Variants in RAB44 observed in about 807,000 individuals in gnomAD.
The protein encoded by RAB44 is ras-related protein Rab-44.
Under a neutral mutation model 93.3 loss-of-function variants are expected in RAB44, and 67 were observed. That is an observed-to-expected ratio of 0.72 (90% CI 0.59 to 0.88). RAB44 has a LOEUF of 0.88. RAB44 is among the 40% of genes least tolerant of loss of function. RAB44 has a pLI of 0.00. For missense variants in RAB44, 1,064 were observed against 1,261.7 expected (o/e 0.84, Z 2.37); for synonymous variants, 427 against 520.3 (o/e 0.82, Z 2.44).
chr6:36,719,779 G>A (rs939499417), intron 7 of RAB44, among the ~76,000 whole-genome samples: 3 of 152,354 alleles, frequency 2.0e-5, no homozygotes, highest in Admixed American at 2.0e-4. Context: ...CAGCAGGTGC[G>A]AAGGCCCTGA....
Position 36,717,558 on chromosome 6 carries a change from G to C in RAB44, c.641+139G>C. The C allele has an allele frequency of 2.0e-6, 2 of 994,656 alleles. No homozygotes were observed. Among genetic ancestry groups the C allele is most frequent in the Non-Finnish European group, 2.6e-6 (2 of 772,460 alleles). The allele number at this position is 994,656 out of a possible 1,614,324, so 61.6% of individuals were successfully genotyped here. ...GGGCAGAGCTGCGCTGGAGGAAGAG[G>C]TGGCTCAGGGGACCGGGTGGGGAGG... On this transcript the variant is annotated intron_variant, in intron 5 of 13. Transcript: ENST00000612677. This position sits in a 1 kb window ranked among gnomAD's most constrained non-coding sequence, Gnocchi z 4.1.
Position 36,730,779 on chromosome 6 carries a change from ACC to A in RAB44, c.2975+38_2975+39del, listed in dbSNP as rs57522248. The A allele has an allele frequency of 4.3e-4, 392 of 911,052 alleles. No homozygotes were observed. In the African/African-American group the frequency reaches 6.5e-3, roughly 15 times the overall value. The allele number at this position is 911,052 out of a possible 1,614,324, so 56.4% of individuals were successfully genotyped here. A position where few individuals can be genotyped will look rare whatever the true frequency, so the allele number is the denominator to read the frequency against. ...GTGCTGCCCGCCCCCCGCCGCCCCC[ACC>A]CCCCCCCTTGCAGAATCCTCTGGGA... is the stretch of plus-strand genomic sequence containing the variant. On this transcript the variant is annotated intron_variant, in intron 13 of 13. Transcript: ENST00000612677.
chr6:36,715,793 G>C (rs550098656), intron 4 of RAB44, 140 bp downstream of exon 4: 3 of 792,402 alleles, frequency 3.8e-6, no homozygotes, highest in South Asian at 3.6e-5. Context: ...TTGGCTAGCT[G>C]TGTGACCACA....
At chr6:36,715,359 T>C (rs1762888953) in intron 3 of RAB44, 120 bp from the exon 4 acceptor site, 2 of 863,374 alleles carry the variant, frequency 2.3e-6, no homozygotes, top group African/African-American at 1.7e-5. Context: ...TGTAGCCTTG[T>C]GTAAATGTGA....
At chr6:36,724,967 C>T (rs1763199217) in intron 9 of RAB44, among the ~76,000 whole-genome samples, 1 of 152,204 alleles carries the variant, frequency 6.6e-6, no homozygotes, top group Non-Finnish European at 1.5e-5. Flanking sequence ...GAATCAGAGC[C>T]AACGGAGTTA....
At chr6:36,730,629 T>A (rs1371972535) in intron 12 of RAB44, 44 bp from the exon 13 acceptor site, 2 of 1,179,080 alleles carry the variant, frequency 1.7e-6, no homozygotes, top group Admixed American at 8.5e-5. Context: ...GCCTTTCAGT[T>A]GTCTCTCCCA....
rs1274825847 is a variant in RAB44 at position 36,722,196 on chromosome 6, G to C, written c.2062G>C (p.Asp688His). The C allele has an allele frequency of 2.4e-6, 3 of 1,238,498 alleles. No individual in the cohort carries two copies. 76.7% of individuals were successfully genotyped at this position (1,238,498 alleles called of 1,614,324 possible). The change falls in exon 9 of 14, where the codon GAC becomes CAC. Residue 688 changes from aspartate to histidine, a missense_variant. Asp to His is a moderately conservative substitution (Grantham distance 81, BLOSUM62 -1). Transcript: ENST00000612677. ...AAAACAAGAGGGCAGAGGTGGGCAG[G>C]ACCTCAGTTCAGAGCAGTCAGAGCA... ...EGKQEGRGGQDLSSEQSEQSV... is the reference protein window; with the variant it reads ...EGKQEGRGGQHLSSEQSEQSV...
chr6:36,704,190 A>G (rs1445288148), intron 1 of RAB44, 34 bp from the exon 2 acceptor site: 1 of 1,507,924 alleles, frequency 6.6e-7, no homozygotes, highest in Non-Finnish European at 8.9e-7. Flanking sequence ...GTGACTGTCC[A>G]GCAGCCCGGT....
In RAB44 at chr6:36,732,201, C is replaced by T. The variant is rs1182077060; in HGVS notation, c.*108C>T. ...GACACAGAGGACCAGCTTGGAGGTT[C>T]AGGAAAACCCTTCTCAACTCAGGAC... On this transcript the variant is annotated 3_prime_UTR_variant, in exon 14 of 14. Coordinates refer to ENST00000612677, the MANE Select transcript of RAB44 (RefSeq NM_001257357.2). 6.3e-6 allele frequency: 4 copies of T among 637,506 alleles called. No homozygotes were observed. The highest frequency in any genetic ancestry group is 6.7e-6 in the Non-Finnish European group (3 of 444,530). The allele number at this position is 637,506 out of a possible 1,614,324, so 39.5% of individuals were successfully genotyped here.
chr6:36,728,936 A>G lies in RAB44; in HGVS notation c.2898+135A>G, dbSNP rs1288071651. ...CCATTCCTGCCCCTGCCCCAACCAA[A>G]GGCCTGTTCAGAGTGGACAGCAGCC... On this transcript the variant is annotated intron_variant, in intron 12 of 13. Coordinates refer to ENST00000612677, the MANE Select transcript of RAB44 (RefSeq NM_001257357.2). The G allele has an allele frequency of 9.8e-6, 7 of 712,190 alleles. No individual in the cohort carries two copies. The East Asian group carries it at 1.9e-4, about 19-fold the overall frequency. 44.1% of individuals were successfully genotyped at this position (712,190 alleles called of 1,614,324 possible).
intron 11 of RAB44, among the ~76,000 whole-genome samples, chr6:36,728,252 G>A (rs1763283583): frequency 6.6e-6 from 1 of 152,302 alleles, no homozygotes; most frequent in Admixed American, 6.5e-5. Context: ...CTTTGGACAA[G>A]TGAATTGAGT....
In RAB44 at chr6:36,720,370, C is replaced by T; in HGVS notation, c.836C>T (p.Ala279Val). Residue 279 changes from alanine (A) to valine (V), a missense_variant, in exon 8 of 14, where the codon GCC (alanine) becomes GTC (valine). Transcript: ENST00000612677. ...TCACCCTCCACCCTGCAGCTGGAGG[C>T]CCAGCTCTCCCACCTCAGGAGCACA... is the stretch of plus-strand genomic sequence containing the variant. Reference protein sequence around the residue: ...RLAEGQRELEAQLSHLRSTHQ... With the variant: ...RLAEGQRELEVQLSHLRSTHQ... 6 of 1,232,348 alleles carry T rather than the reference C, an allele frequency of 4.9e-6. No individual in the cohort carries two copies. Among genetic ancestry groups the T allele is most frequent in the Non-Finnish European group, 6.1e-6 (6 of 988,092 alleles). The allele number at this position is 1,232,348 out of a possible 1,614,324, so 76.3% of individuals were successfully genotyped here. A position where few individuals can be genotyped will look rare whatever the true frequency, so the allele number is the denominator to read the frequency against.
At chr6:36,723,012 G>A (rs924876625) in intron 9 of RAB44, among the ~76,000 whole-genome samples, 2 of 152,250 alleles carry the variant, frequency 1.3e-5, no homozygotes, top group Non-Finnish European at 2.9e-5. Flanking sequence ...GAGAGTTGAT[G>A]GTGAAAACAA....
rs1308518471 is a variant in RAB44, at chr6:36,720,659, C to T, written c.1016+109C>T. 3 of 858,490 alleles carry T rather than the reference C, an allele frequency of 3.5e-6. No individual in the cohort carries two copies. The African/African-American group carries it at 5.2e-5, about 15-fold the overall frequency. 53.2% of individuals were successfully genotyped at this position (858,490 alleles called of 1,614,324 possible). The stretch of plus-strand genomic sequence containing the variant: ...AGCTAGCACACAGTGCACACATAGA[C>T]TCCTTCCTTAAACCCCACCCTCTGC... On this transcript the variant is annotated intron_variant, in intron 8 of 13. Coordinates refer to ENST00000612677, the MANE Select transcript of RAB44 (RefSeq NM_001257357.2).
At chr6:36,709,110 A>AT (rs199524040) in intron 2 of RAB44, among the ~76,000 whole-genome samples, 18 of 150,242 alleles carry the variant, frequency 1.2e-4, no homozygotes, top group East Asian at 1.2e-3. Flanking sequence ...ACCTCTGGCT[A>AT]TTTTTTTTTA....
At position 36,715,631 on chromosome 6, in the gene RAB44, G is replaced by A; in HGVS notation, c.472G>A (p.Gly158Arg). Reference protein sequence around the residue: ...EAFLAFMEQLGTGHLLPKQME... With the variant: ...EAFLAFMEQLRTGHLLPKQME... ...GTTCCTTGCCTTCATGGAGCAGCTG[G>A]GGACTGGACACTTACTTCCCAAGTA... The change falls in exon 4 of 14, where the codon GGG (glycine) becomes AGG (arginine). Residue 158 changes from glycine (G) to arginine (R), a missense_variant. Coordinates refer to ENST00000612677, the MANE Select transcript of RAB44 (RefSeq NM_001257357.2). 6.5e-7 allele frequency: 1 copy of A among 1,536,136 alleles called. No individual in the cohort carries two copies. The highest frequency in any genetic ancestry group is 8.7e-7 in the Non-Finnish European group (1 of 1,146,908).
intron 2 of RAB44, among the ~76,000 whole-genome samples, chr6:36,705,366 T>C (rs1762621016): frequency 6.6e-6 from 1 of 151,310 alleles, no homozygotes; most frequent in Admixed American, 6.6e-5. Context: ...CATATCCAAG[T>C]TCCAAGTTTC....
chr6:36,725,781 A>G, intron 9 of RAB44, 81 bp from the exon 10 acceptor site: 1 of 905,986 alleles, frequency 1.1e-6, no homozygotes, highest in Non-Finnish European at 1.8e-6. Context: ...GGTACAGGGG[A>G]CAGGTGTATA....
At chr6:36,709,170 T>C (rs758220597) in intron 2 of RAB44, among the ~76,000 whole-genome samples, 3 of 152,044 alleles carry the variant, frequency 2.0e-5, no homozygotes, top group Non-Finnish European at 4.4e-5. Context: ...AGGCTGGTCT[T>C]GAACTCCTAA....
Sources: gnomAD v4.1 joint callset for allele counts (sites outside exome capture counted in the v4.1 genomes callset) on GRCh38, gnomAD v4.1.1 for gene constraint, Gnocchi (gnomAD v3.1) non-coding constraint, MANE v1.5 for transcripts, NCBI Gene and HGNC (gene_info 2026-07-23, HGNC 2026-07-21) for gene names.